Variants in FNIP2 observed in about 807,000 individuals in gnomAD.
FNIP2 encodes folliculin-interacting protein 2.
A neutral mutation model predicts 108.7 loss-of-function variants in FNIP2; 32 were observed. The ratio of observed to expected loss-of-function variants is 0.29; its 90% CI spans 0.22 to 0.40. The LOEUF is 0.40. FNIP2 is among the 10% of genes least tolerant of loss of function. The pLI is 1.00. For missense variants in FNIP2, 1,202 were observed against 1,381.6 expected (o/e 0.87, Z 2.06); for synonymous variants, 480 against 496.7 (o/e 0.97, Z 0.45).
rs1371660899 is a variant in FNIP2 at position 158,826,050 on chromosome 4, A to C, written c.234+8A>C. The C allele has an allele frequency of 1.2e-6, 2 of 1,603,412 alleles. No homozygotes were observed. The highest frequency in any genetic ancestry group is 3.3e-5 in the Admixed American group (2 of 59,720). On this transcript the variant is annotated splice_region_variant and intron_variant, in intron 2 of 16. Coordinates refer to ENST00000264433, the MANE Select transcript of FNIP2 (RefSeq NM_020840.3). Reference sequence around the variant, plus strand: ...GAGGAGGTGACAGCTCAGGTATGAAATGCTGATTTGCTTTCTCCTTTTCTT... The same window carrying C: ...GAGGAGGTGACAGCTCAGGTATGAACTGCTGATTTGCTTTCTCCTTTTCTT...
intron 13 of FNIP2, among the ~76,000 whole-genome samples, chr4:158,869,828 C>T (rs1171427806): frequency 6.6e-6 from 1 of 152,232 alleles, no homozygotes; most frequent in East Asian, 1.9e-4. Context: ...TGGCCTCTCT[C>T]CTGCCGATCA....
intron 12 of FNIP2, among the ~76,000 whole-genome samples, chr4:158,862,351 T>G (rs1044614415): frequency 2.0e-4 from 30 of 152,230 alleles, no homozygotes; most frequent in African/African-American, 7.2e-4. Context: ...CTTATTACTC[T>G]CAGCCTCATT....
At chr4:158,856,094 G>T (rs1779968195) in intron 8 of FNIP2, among the ~76,000 whole-genome samples, 1 of 152,196 alleles carries the variant, frequency 6.6e-6, no homozygotes, top group Non-Finnish European at 1.5e-5. Flanking sequence ...ACTGGATGGG[G>T]AATGGGGCTT....
At chr4:158,826,098 GATCA>G in intron 2 of FNIP2, 56 bp downstream of exon 2, 1 of 1,566,144 alleles carries the variant, frequency 6.4e-7, no homozygotes, top group South Asian at 1.1e-5. Flanking sequence ...CCACCCTTCT[GATCA>G]ATCATTTATT....
At chr4:158,901,601 TCTCC>T (rs577558223) in intron 16 of FNIP2, among the ~76,000 whole-genome samples, 2 of 152,300 alleles carry the variant, frequency 1.3e-5, no homozygotes, top group South Asian at 4.1e-4. Flanking sequence ...TTGGTTCCAT[TCTCC>T]CTGTCACTTT....
At chr4:158,791,324 C>G (rs981554723) in intron 1 of FNIP2, among the ~76,000 whole-genome samples, 1 of 144,002 alleles carries the variant, frequency 6.9e-6, no homozygotes, top group African/African-American at 2.6e-5. Context: ...TGCTCTGTCA[C>G]CCAGGCTGGA....
At chr4:158,831,440 A>G (rs1292821120) in intron 3 of FNIP2, among the ~76,000 whole-genome samples, 1 of 152,208 alleles carries the variant, frequency 6.6e-6, no homozygotes, top group Non-Finnish European at 1.5e-5. Flanking sequence ...GGCATTTTTT[A>G]TTCCACATTG....
At chr4:158,903,034 G>GA (rs903780469) in intron 16 of FNIP2, among the ~76,000 whole-genome samples, 2 of 151,866 alleles carry the variant, frequency 1.3e-5, no homozygotes, top group African/African-American at 2.4e-5. Flanking sequence ...CTGAGGTATG[G>GA]AAAAAAAACT....
chr4:158,861,165 A>C (rs1045582857), intron 10 of FNIP2, among the ~76,000 whole-genome samples, 177 bp from the exon 11 acceptor site: 1 of 152,266 alleles, frequency 6.6e-6, no homozygotes, highest in Non-Finnish European at 1.5e-5. Flanking sequence ...TTACAAAAAA[A>C]GGTGGCAGTC....
intron 1 of FNIP2, among the ~76,000 whole-genome samples, chr4:158,803,969 C>T (rs1204368781): frequency 1.3e-5 from 2 of 152,258 alleles, no homozygotes; most frequent in Non-Finnish European, 2.9e-5. Flanking sequence ...GGTGGAGTCT[C>T]GCTGTGTTGC....
intron 8 of FNIP2, among the ~76,000 whole-genome samples, chr4:158,854,673 CTG>C (rs1337381426): frequency 6.6e-6 from 1 of 152,216 alleles, no homozygotes; most frequent in Non-Finnish European, 1.5e-5. Context: ...CCAAGGAAAA[CTG>C]TATTTTTATG....
At chr4:158,789,402 G>T (rs933026612) in intron 1 of FNIP2, among the ~76,000 whole-genome samples, 5 of 152,148 alleles carry the variant, frequency 3.3e-5, no homozygotes, top group Non-Finnish European at 5.9e-5. Flanking sequence ...TGTTATGAAG[G>T]ACAGTTCATT....
chr4:158,879,455 G>C (rs540782895), intron 14 of FNIP2, among the ~76,000 whole-genome samples: 1 of 150,482 alleles, frequency 6.6e-6, no homozygotes, highest in African/African-American at 2.5e-5. Context: ...AGAGTGCAGG[G>C]CATAGTATGG....
intron 1 of FNIP2, among the ~76,000 whole-genome samples, chr4:158,781,783 G>T (rs1318894995): frequency 6.6e-6 from 1 of 152,186 alleles, no homozygotes; most frequent in African/African-American, 2.4e-5. Flanking sequence ...TCCGCAAGGT[G>T]CTGGGATTAC....
chr4:158,834,330 C>CTCTCTCTCTCT (rs70962636), intron 6 of FNIP2: 1 of 142,154 alleles, frequency 7.0e-6, no homozygotes, highest in African/African-American at 2.7e-5. Flanking sequence ...CTCTCTCTCT[C>CTCTCTCTCTCT]CCTCTCTAAG....
At chr4:158,819,350 T>C (rs1185037448) in intron 1 of FNIP2, among the ~76,000 whole-genome samples, 1 of 152,258 alleles carries the variant, frequency 6.6e-6, no homozygotes, top group East Asian at 1.9e-4. Flanking sequence ...AGTATAGCTC[T>C]GTGTTGGTAA....
chr4:158,875,539 T>TATATATATGTATATATATATGC (rs1474470268), intron 14 of FNIP2, among the ~76,000 whole-genome samples: 1 of 144,178 alleles, frequency 6.9e-6, no homozygotes, highest in Admixed American at 6.8e-5. Flanking sequence ...TATATATATA[T>TATATATATGTATATATATATGC]ATGCTCATGA....
intron 8 of FNIP2, among the ~76,000 whole-genome samples, chr4:158,854,197 G>A (rs188422334): frequency 6.2e-4 from 94 of 152,290 alleles, no homozygotes; most frequent in Non-Finnish European, 3.1e-4. Context: ...CTTTTACTTT[G>A]TGATAATTTA....
intron 1 of FNIP2, among the ~76,000 whole-genome samples, chr4:158,779,779 C>T (rs1356362561): frequency 6.8e-6 from 1 of 148,074 alleles, no homozygotes; most frequent in Middle Eastern, 3.3e-3. Flanking sequence ...GGGGTGGTCT[C>T]ACTGTGTTGC....
Sources: allele counts gnomAD v4.1 joint callset (sites outside exome capture counted in the v4.1 genomes callset), GRCh38; gene constraint gnomAD v4.1.1; transcripts MANE v1.5; gene names NCBI Gene and HGNC (gene_info 2026-07-23, HGNC 2026-07-21).